The following MYO9A variants were observed in gnomAD, a reference collection of about 807,000 sequenced individuals.
MYO9A encodes the protein unconventional myosin-IXa.
MYO9A carries 103 observed loss-of-function variants against 293.3 expected under a neutral mutation model. That is an observed-to-expected ratio of 0.35 (90% CI 0.30 to 0.41). MYO9A has a LOEUF of 0.41. MYO9A is among the 10% of genes least tolerant of loss of function. MYO9A has a pLI of 1.00. For missense variants in MYO9A, 2,685 were observed against 3,033.0 expected (o/e 0.89, Z 2.69); for synonymous variants, 1,001 against 1,035.7 (o/e 0.97, Z 0.64).
intron 1 of MYO9A, among the ~76,000 whole-genome samples, chr15:72,101,209 CT>C (rs1250238454): frequency 3.0e-5 from 4 of 134,068 alleles, no homozygotes; most frequent in African/African-American, 8.3e-5. Context: ...AGGAGCCCCT[CT>C]GCCCGGCCAG....
chr15:71,971,929 A>G (rs1311613979), intron 12 of MYO9A, among the ~76,000 whole-genome samples: 1 of 152,040 alleles, frequency 6.6e-6, no homozygotes, highest in Non-Finnish European at 1.5e-5. Context: ...AGGAAACAGA[A>G]TCTCTCTCTC....
intron 1 of MYO9A, among the ~76,000 whole-genome samples, chr15:72,052,682 C>T (rs1217777976): frequency 1.3e-5 from 2 of 152,198 alleles, no homozygotes; most frequent in Non-Finnish European, 2.9e-5. Context: ...TTCCCCAGTG[C>T]CAGCCATGGA....
intron 12 of MYO9A, among the ~76,000 whole-genome samples, chr15:71,976,996 C>A (rs2929528): frequency 0.69 from 104,544 of 152,016 alleles, 36,776 homozygotes; most frequent in Non-Finnish European, 0.76. Context: ...AACCTCACAA[C>A]CACCTCATCT....
chr15:71,857,934 A>T (rs2055929862), intron 34 of MYO9A, among the ~76,000 whole-genome samples: 1 of 152,296 alleles, frequency 6.6e-6, no homozygotes, highest in Non-Finnish European at 1.5e-5. Context: ...ACCCCACCAA[A>T]AAGTGGGCAA....
chr15:72,026,069 C>T (rs990661492), intron 4 of MYO9A, among the ~76,000 whole-genome samples: 2 of 151,560 alleles, frequency 1.3e-5, no homozygotes, highest in Non-Finnish European at 2.9e-5. Context: ...GTCAGGAGAT[C>T]GAGACCATCC....
chr15:71,912,549 C>A (rs867943986), intron 19 of MYO9A, among the ~76,000 whole-genome samples: 3 of 152,234 alleles, frequency 2.0e-5, no homozygotes, highest in Non-Finnish European at 2.9e-5. Context: ...AGCCACCAAG[C>A]CTGTCCAAGA....
At chr15:71,841,614 GATTC>G (rs1229335462) in intron 39 of MYO9A, among the ~76,000 whole-genome samples, 4 of 151,524 alleles carry the variant, frequency 2.6e-5, no homozygotes, top group Non-Finnish European at 5.9e-5. Context: ...TCTGCTTGCT[GATTC>G]ATTTTTATTT....
chr15:72,076,466 A>G (rs2079355177), intron 1 of MYO9A, among the ~76,000 whole-genome samples: 1 of 152,214 alleles, frequency 6.6e-6, no homozygotes, highest in Non-Finnish European at 1.5e-5. Context: ...ATACTCCATG[A>G]AAGAATGGAA....
At chr15:71,989,719 T>C (rs1400088950) in intron 11 of MYO9A, among the ~76,000 whole-genome samples, 4 of 151,994 alleles carry the variant, frequency 2.6e-5, no homozygotes, top group Non-Finnish European at 5.9e-5. Flanking sequence ...CACACACACA[T>C]CTTTTTAATC....
chr15:71,954,243 C>G (rs1330119344), intron 14 of MYO9A, among the ~76,000 whole-genome samples: 1 of 152,042 alleles, frequency 6.6e-6, no homozygotes, highest in Non-Finnish European at 1.5e-5. Flanking sequence ...CTCTGTCGCC[C>G]AGGCTGGAGT....
chr15:72,000,900 G>T (rs761580397), intron 8 of MYO9A, among the ~76,000 whole-genome samples: 1 of 152,116 alleles, frequency 6.6e-6, no homozygotes, highest in African/African-American at 2.4e-5. Context: ...GCATTTACAC[G>T]ATTTACAATT....
At position 71,901,292 on chromosome 15, in the gene MYO9A, G is replaced by C. The variant is rs771867620; in HGVS notation, c.3049C>G (p.Gln1017Glu). Reference protein sequence around the residue: ...ERQHLQDLLHQEVLRRIILLQ... With the variant: ...ERQHLQDLLHEEVLRRIILLQ... ...AATATGATTCTGCGGAGCACCTCTT[G>C]GTGAAGCAGATCTTGTAAGTGCTGT... The change falls in exon 23 of 42, where the codon CAA becomes GAA. Residue 1017 changes from glutamine to glutamate, a missense_variant. Coordinates refer to ENST00000356056, the MANE Select transcript of MYO9A (RefSeq NM_006901.4). 1.5e-5 allele frequency: 25 copies of C among 1,613,702 alleles called. No individual in the cohort carries two copies. The highest frequency in any genetic ancestry group is 1.9e-5 in the Non-Finnish European group (23 of 1,179,920).
rs1237640552 is a variant in MYO9A, at chr15:71,827,026, T to C, written c.7201A>G (p.Ser2401Gly). 5.0e-6 allele frequency: 8 copies of C among 1,589,684 alleles called. No homozygotes were observed. In the African/African-American group the frequency reaches 8.2e-5, roughly 16 times the overall value. The change falls in exon 42 of 42, where the codon AGC (serine) becomes GGC (glycine). Residue 2401 changes from serine to glycine, a missense_variant. This residue lies in a region of MYO9A where 350 missense variants were observed against 328.9 expected (regional missense o/e 1.06). Transcript: ENST00000356056. Reference protein sequence around the residue: ...SEKSERSLALSSLKTAGKSEP... With the variant: ...SEKSERSLALGSLKTAGKSEP... ...GACTTGCCAGCTGTCTTCAGGGAGC[T>C]AAGGGCTAAGCTTCTTTCTAATGCA...
chr15:72,004,648 C>T (rs1304032099), intron 8 of MYO9A, among the ~76,000 whole-genome samples: 1 of 152,120 alleles, frequency 6.6e-6, no homozygotes, highest in Non-Finnish European at 1.5e-5. Context: ...AAAAACTGAA[C>T]AGTTTTTGGT....
chr15:72,016,774 G>A (rs901239246), intron 6 of MYO9A, among the ~76,000 whole-genome samples: 1 of 152,104 alleles, frequency 6.6e-6, no homozygotes, highest in Admixed American at 6.6e-5. Flanking sequence ...ATTAAGGGAA[G>A]AGGAGATTAT....
At chr15:72,035,633 T>A (rs1256760717) in intron 2 of MYO9A, among the ~76,000 whole-genome samples, 1 of 152,008 alleles carries the variant, frequency 6.6e-6, no homozygotes, top group African/African-American at 2.4e-5. Flanking sequence ...GGAGACCTCA[T>A]CTCTACAAAA....
At chr15:72,098,109 G>C (rs2080124666) in intron 1 of MYO9A, among the ~76,000 whole-genome samples, 2 of 151,966 alleles carry the variant, frequency 1.3e-5, no homozygotes, top group Admixed American at 6.6e-5. Context: ...TTTACAATGT[G>C]ACTTGACACT....
intron 15 of MYO9A, among the ~76,000 whole-genome samples, chr15:71,944,458 T>C (rs1366631325): frequency 2.0e-5 from 3 of 152,178 alleles, no homozygotes; most frequent in Non-Finnish European, 4.4e-5. Flanking sequence ...GGTTTTCTTC[T>C]ATTTTAAGAC....
chr15:72,089,153 T>A (rs2079829236), intron 1 of MYO9A, among the ~76,000 whole-genome samples: 1 of 151,998 alleles, frequency 6.6e-6, no homozygotes, highest in Non-Finnish European at 1.5e-5. Flanking sequence ...TGTAGAAAAA[T>A]AATGGTTTTT....
Sources: allele counts gnomAD v4.1 joint callset (sites outside exome capture counted in the v4.1 genomes callset), GRCh38; gene constraint gnomAD v4.1.1; regional missense constraint gnomAD v4.1.1; transcripts MANE v1.5; gene names NCBI Gene and HGNC (gene_info 2026-07-23, HGNC 2026-07-21).